PAFAH2: variants seen among roughly 807,000 people sequenced by gnomAD.
PAFAH2 encodes the protein platelet activating factor acetylhydrolase 2, also known as platelet-activating factor acetylhydrolase 2, cytoplasmic.
PAFAH2 carries 42 observed loss-of-function variants against 49.0 expected under a neutral mutation model. The observed-to-expected ratio is 0.86, with a 90% confidence interval of 0.67 to 1.11. The LOEUF (loss-of-function observed/expected upper bound fraction) is 1.11, where lower values mean the gene tolerates loss of function less well. Ranked by LOEUF, PAFAH2 falls within the 50% of genes least tolerant of loss-of-function variation. The pLI, the probability that PAFAH2 is intolerant of heterozygous loss-of-function variation, is 0.00. For synonymous variants in PAFAH2, 184 were observed against 181.3 expected (o/e 1.01, Z -0.12); for missense variants, 503 against 501.8 (o/e 1.00, Z -0.02).
intron 10 of PAFAH2, among the ~76,000 whole-genome samples, chr1:25,967,221 C>G (rs1165756879): frequency 6.6e-6 from 1 of 151,926 alleles, no homozygotes; most frequent in Non-Finnish European, 1.5e-5. Flanking sequence ...GTTTGAGGGA[C>G]TGGGTAGGAG....
At chr1:25,993,914 A>G (rs2049905865) in intron 1 of PAFAH2, among the ~76,000 whole-genome samples, 1 of 152,160 alleles carries the variant, frequency 6.6e-6, no homozygotes, top group Non-Finnish European at 1.5e-5. Context: ...GCAGGGGAAG[A>G]TGGGAAAGGC....
intron 4 of PAFAH2, among the ~76,000 whole-genome samples, chr1:25,986,539 T>A (rs539252129): frequency 1.6e-4 from 25 of 152,268 alleles, no homozygotes; most frequent in Admixed American, 5.9e-4. Context: ...ATTAAATTTT[T>A]TTTTTCTGAG....
At chr1:25,987,191 G>A (rs2049794088) in intron 4 of PAFAH2, among the ~76,000 whole-genome samples, 1 of 150,940 alleles carries the variant, frequency 6.6e-6, no homozygotes, top group African/African-American at 2.4e-5. Flanking sequence ...CCGAGATCAC[G>A]CCACTGCACT....
chr1:25,995,760 T>C (rs1353537309), intron 1 of PAFAH2, among the ~76,000 whole-genome samples: 1 of 152,162 alleles, frequency 6.6e-6, no homozygotes, highest in Admixed American at 6.5e-5. Context: ...TTATGCCTCA[T>C]CTCTTCAGAT....
chr1:25,974,419 G>T, intron 9 of PAFAH2, 61 bp downstream of exon 9: 1 of 1,408,566 alleles, frequency 7.1e-7, no homozygotes, highest in Non-Finnish European at 9.5e-7. Flanking sequence ...AGAAGTTAAG[G>T]GCACCACAGC....
At position 25,974,296 on chromosome 1, in the gene PAFAH2, G is replaced by C. The variant is rs192748585; in HGVS notation, c.929+184C>G. 2.4e-3 allele frequency among the ~76,000 whole-genome samples: 360 copies of C among 152,296 alleles called. 4 individuals are homozygous for C. Among genetic ancestry groups the C allele is most frequent in the Middle Eastern group, 0.014 (4 of 294 alleles). ...ATAAACTATGGAATAAATCACTGTA[G>C]ATGGAGCTCAGTGGAGAAGAAGGAC... On this transcript the variant is annotated intron_variant, in intron 9 of 10. Coordinates refer to ENST00000374282, the MANE Select transcript of PAFAH2 (RefSeq NM_000437.4).
At chr1:25,982,274 T>C in intron 7 of PAFAH2, 90 bp downstream of exon 7, 1 of 917,194 alleles carries the variant, frequency 1.1e-6, no homozygotes, top group South Asian at 1.4e-5. Flanking sequence ...CAATTCTCTT[T>C]TGGTTCATAC....
At chr1:25,972,080 T>G (rs955550352) in intron 10 of PAFAH2, among the ~76,000 whole-genome samples, 2 of 152,064 alleles carry the variant, frequency 1.3e-5, no homozygotes, top group African/African-American at 4.8e-5. Context: ...CAGTTAAGTA[T>G]TTTTTCTTAT....
At chr1:25,991,092 T>C (rs2049866916) in intron 1 of PAFAH2, among the ~76,000 whole-genome samples, 1 of 152,156 alleles carries the variant, frequency 6.6e-6, no homozygotes, top group African/African-American at 2.4e-5. Flanking sequence ...AAGAGAGCCA[T>C]CCATACTCCT....
chr1:25,982,686 TTCTGAC>T (rs1299111083), intron 6 of PAFAH2, among the ~76,000 whole-genome samples: 1 of 152,196 alleles, frequency 6.6e-6, no homozygotes, highest in Non-Finnish European at 1.5e-5. Context: ...AGCCCTGTTG[TTCTGAC>T]TCTAACTACA....
intron 10 of PAFAH2, among the ~76,000 whole-genome samples, chr1:25,971,264 C>T (rs942252837): frequency 1.3e-5 from 2 of 152,160 alleles, no homozygotes; most frequent in Admixed American, 6.5e-5. Flanking sequence ...ACCTCTGATG[C>T]AGAGAGCTCA....
intron 10 of PAFAH2, 55 bp downstream of exon 10, chr1:25,972,503 C>A: frequency 6.4e-7 from 1 of 1,568,564 alleles, no homozygotes; most frequent in Non-Finnish European, 8.7e-7. Context: ...CACTCTGCTG[C>A]AAGGAAATCT....
chr1:25,970,022 C>G (rs1022844485), intron 10 of PAFAH2, among the ~76,000 whole-genome samples: 1 of 152,026 alleles, frequency 6.6e-6, no homozygotes, highest in African/African-American at 2.4e-5. Flanking sequence ...AACGAACAGG[C>G]AGAAATATAA....
In PAFAH2 at chr1:25,962,150, T is replaced by C. The variant is rs577510074; in HGVS notation, c.1085-67A>G. ...AGGTTTGGTCAAAGAGTAGCTGACATGCATTGAAGGGGTCATCCTAGAGAG... is the reference window on the plus strand; with the variant it reads ...AGGTTTGGTCAAAGAGTAGCTGACACGCATTGAAGGGGTCATCCTAGAGAG... On this transcript the variant is annotated intron_variant, in intron 10 of 10. Transcript: ENST00000374282. The C allele has an allele frequency of 2.6e-4, 336 of 1,303,108 alleles. 4 individuals carry two copies. The South Asian group carries it at 3.8e-3, about 15-fold the overall frequency. The allele number at this position is 1,303,108 out of a possible 1,614,324, so 80.7% of individuals were successfully genotyped here. A position where few individuals can be genotyped will look rare whatever the true frequency, so the allele number is the denominator to read the frequency against.
At chr1:25,977,605 T>C (rs2049614850) in intron 7 of PAFAH2, among the ~76,000 whole-genome samples, 1 of 146,066 alleles carries the variant, frequency 6.8e-6, no homozygotes, top group African/African-American at 2.6e-5. Context: ...CAGTGAGCCA[T>C]GATTGCACCA....
intron 1 of PAFAH2, among the ~76,000 whole-genome samples, chr1:25,994,669 A>G (rs1026718324): frequency 6.6e-6 from 1 of 152,190 alleles, no homozygotes; most frequent in African/African-American, 2.4e-5. Context: ...GTCAAGAGCC[A>G]ATAAGTCAGG....
At chr1:25,978,657 T>C (rs2049633191) in intron 7 of PAFAH2, among the ~76,000 whole-genome samples, 1 of 152,234 alleles carries the variant, frequency 6.6e-6, no homozygotes, top group Non-Finnish European at 1.5e-5. Flanking sequence ...CAAATCTCTA[T>C]GCCCTTTCCC....
rs1168806321 is a variant in PAFAH2, at chr1:25,960,383, T to C, written c.*1606A>G. ...AGTAGTGGAGAAGAGAGTTTCAGTT[T>C]GATGCCCCCAAATAGCTTTGAACTG... On this transcript the variant is annotated 3_prime_UTR_variant, in exon 11 of 11. Coordinates refer to ENST00000374282, the MANE Select transcript of PAFAH2 (RefSeq NM_000437.4). 2 of 152,654 alleles carry C rather than the reference T, an allele frequency of 1.3e-5. No homozygotes were observed. Among genetic ancestry groups the C allele is most frequent in the African/African-American group, 4.8e-5 (2 of 41,458 alleles). The allele number at this position is 152,654 out of a possible 1,614,324, so 9.5% of individuals were successfully genotyped here.
At chr1:25,988,880 G>T (rs567601939) in intron 3 of PAFAH2, among the ~76,000 whole-genome samples, 1 of 151,430 alleles carries the variant, frequency 6.6e-6, no homozygotes, top group Non-Finnish European at 1.5e-5. Context: ...TACTGAACCC[G>T]GGGTAAACTG....
Sources: allele counts gnomAD v4.1 joint callset (sites outside exome capture counted in the v4.1 genomes callset), GRCh38; gene constraint gnomAD v4.1.1; transcripts MANE v1.5; gene names NCBI Gene and HGNC (gene_info 2026-07-23, HGNC 2026-07-21).